Variants in RCAN2 observed in about 807,000 individuals in gnomAD.
The protein encoded by RCAN2 is calcipressin-2.
A neutral mutation model predicts 23.6 loss-of-function variants in RCAN2; 9 were observed. That is an observed-to-expected ratio of 0.38 (90% confidence interval 0.23 to 0.67). The LOEUF (loss-of-function observed/expected upper bound fraction) is 0.67. Among genes scored for constraint, RCAN2 ranks in the 30% least tolerant of loss-of-function variants. The pLI is 0.51. For missense variants in RCAN2, 273 were observed against 302.3 expected (o/e 0.90, Z 0.72); for synonymous variants, 109 against 115.7 (o/e 0.94, Z 0.37).
intron 2 of RCAN2, among the ~76,000 whole-genome samples, chr6:46,273,409 C>A (rs999945796): frequency 1.3e-5 from 2 of 152,180 alleles, no homozygotes; most frequent in African/African-American, 2.4e-5. Context: ...GTTGCTTTCA[C>A]ATGTGTTGTC....
chr6:46,275,103 T>C (rs1046483349), intron 2 of RCAN2, among the ~76,000 whole-genome samples: 4 of 152,162 alleles, frequency 2.6e-5, no homozygotes, highest in African/African-American at 9.7e-5. Context: ...TATTTATTAT[T>C]TATTTTTCGA....
Position 46,229,097 on chromosome 6 carries a change from G to A in RCAN2, c.572-5796C>T, listed in dbSNP as rs566483307. Among the ~76,000 whole-genome samples, 297 of 152,180 alleles carry A rather than the reference G, an allele frequency of 2.0e-3. 1 individual carries two copies. Among genetic ancestry groups the A allele is most frequent in the Non-Finnish European group, 2.0e-3 (136 of 67,988 alleles). ...CTCTTTAAGAATGTTGAATATTGGC[G>A]CCCACTCTCTTCTGGCTTGTAGAGT... On this transcript the variant is annotated intron_variant, in intron 4 of 4. Coordinates refer to ENST00000371374, the MANE Select transcript of RCAN2 (RefSeq NM_001251974.2).
chr6:46,389,514 C>G (rs1765866897), intron 2 of RCAN2, among the ~76,000 whole-genome samples: 1 of 152,214 alleles, frequency 6.6e-6, no homozygotes, highest in Non-Finnish European at 1.5e-5. Context: ...GGGTACCAGC[C>G]TCCGCACTTG....
chr6:46,336,968 G>C, intron 2 of RCAN2, among the ~76,000 whole-genome samples: 1 of 94,742 alleles, frequency 1.1e-5, no homozygotes, highest in Middle Eastern at 5.2e-3. Context: ...AAAAAAAAAA[G>C]CACAGGGAGA....
At chr6:46,344,965 T>C (rs1045196309) in intron 2 of RCAN2, among the ~76,000 whole-genome samples, 1 of 152,080 alleles carries the variant, frequency 6.6e-6, no homozygotes, top group African/African-American at 2.4e-5. Context: ...TCTCTCTTTA[T>C]GTATATGCAA....
At position 46,266,292 on chromosome 6, in the gene RCAN2, G is replaced by A. The variant is rs151038899; in HGVS notation, c.226-17396C>T. Among the ~76,000 whole-genome samples, 604 of 152,244 alleles carry A rather than the reference G, an allele frequency of 4.0e-3. 4 individuals carry two copies. The highest frequency in any genetic ancestry group is 0.014 in the African/African-American group (570 of 41,540). On this transcript the variant is annotated intron_variant, in intron 2 of 4. Transcript: ENST00000371374. Reference sequence around the variant, plus strand: ...GGGTGTTAATAGTTTTCAGCTCTTTGCATTAATTAATGCATTAACGCTTGT... The same window carrying A: ...GGGTGTTAATAGTTTTCAGCTCTTTACATTAATTAATGCATTAACGCTTGT...
chr6:46,296,439 T>A (rs553171710), intron 2 of RCAN2, among the ~76,000 whole-genome samples: 1 of 152,226 alleles, frequency 6.6e-6, no homozygotes, highest in African/African-American at 2.4e-5. Context: ...GTGTAACTGA[T>A]CCTTATTATG....
chr6:46,461,911 T>C (rs1193806918), intron 1 of RCAN2, among the ~76,000 whole-genome samples: 1 of 152,144 alleles, frequency 6.6e-6, no homozygotes, highest in African/African-American at 2.4e-5. Context: ...GACTGCAGAA[T>C]GGAGAAGGAA....
At chr6:46,349,031 C>T (rs1050134429) in intron 2 of RCAN2, among the ~76,000 whole-genome samples, 1 of 152,126 alleles carries the variant, frequency 6.6e-6, no homozygotes, top group African/African-American at 2.4e-5. Context: ...ACAGTTGAGT[C>T]AGAAAGTGAG....
At chr6:46,375,471 C>T (rs1048583555) in intron 2 of RCAN2, among the ~76,000 whole-genome samples, 1 of 152,128 alleles carries the variant, frequency 6.6e-6, no homozygotes, top group Admixed American at 6.5e-5. Context: ...TCTTCAATGG[C>T]AACTCTTACT....
chr6:46,479,299 A>G (rs763987493), intron 1 of RCAN2, among the ~76,000 whole-genome samples: 37 of 152,326 alleles, frequency 2.4e-4, no homozygotes, highest in Non-Finnish European at 7.4e-5. Flanking sequence ...TTTGACTTAC[A>G]TGGCTTTTAC....
At chr6:46,426,442 A>G (rs988081275) in intron 2 of RCAN2, among the ~76,000 whole-genome samples, 1 of 152,212 alleles carries the variant, frequency 6.6e-6, no homozygotes, top group Non-Finnish European at 1.5e-5. Context: ...TTTCATCATC[A>G]AGCAGTTTTT....
At chr6:46,235,466 T>G (rs970066359) in intron 4 of RCAN2, among the ~76,000 whole-genome samples, 3 of 152,182 alleles carry the variant, frequency 2.0e-5, no homozygotes, top group Non-Finnish European at 4.4e-5. Flanking sequence ...GTTCCTGCCC[T>G]ATGAGGAGCT....
At chr6:46,344,312 C>G (rs979759851) in intron 2 of RCAN2, among the ~76,000 whole-genome samples, 11 of 151,974 alleles carry the variant, frequency 7.2e-5, no homozygotes, top group African/African-American at 2.2e-4. Context: ...GCACATCTGA[C>G]CCTCTAGAAA....
chr6:46,323,608 A>C (rs755408592), intron 2 of RCAN2, among the ~76,000 whole-genome samples: 3 of 152,182 alleles, frequency 2.0e-5, no homozygotes, highest in Non-Finnish European at 4.4e-5. Flanking sequence ...GACTCACTAG[A>C]CTGCAAAATG....
At chr6:46,246,352 T>G (rs893644578) in intron 4 of RCAN2, among the ~76,000 whole-genome samples, 26 of 152,162 alleles carry the variant, frequency 1.7e-4, no homozygotes, top group Admixed American at 3.3e-4. Context: ...ACTAGCACTG[T>G]GACAGCAATA....
chr6:46,235,010 T>A (rs1766043328), intron 4 of RCAN2, among the ~76,000 whole-genome samples: 1 of 152,230 alleles, frequency 6.6e-6, no homozygotes, highest in African/African-American at 2.4e-5. Context: ...GAGAAATGTG[T>A]TGGTGGCTGG....
At chr6:46,287,023 A>C (rs1762397315) in intron 2 of RCAN2, among the ~76,000 whole-genome samples, 1 of 151,930 alleles carries the variant, frequency 6.6e-6, no homozygotes, top group African/African-American at 2.4e-5. Context: ...AAAAAGAAAG[A>C]AAGAGCACTT....
At chr6:46,274,377 T>C (rs1016047593) in intron 2 of RCAN2, among the ~76,000 whole-genome samples, 1 of 152,164 alleles carries the variant, frequency 6.6e-6, no homozygotes, top group Non-Finnish European at 1.5e-5. Flanking sequence ...AAAGCTAAGG[T>C]ACAGCTGCTA....
Sources: allele counts gnomAD v4.1 joint callset (sites outside exome capture counted in the v4.1 genomes callset), GRCh38; gene constraint gnomAD v4.1.1; transcripts MANE v1.5; gene names NCBI Gene and HGNC (gene_info 2026-07-23, HGNC 2026-07-21).